Variants in PXDNL observed in about 807,000 individuals in gnomAD.
The protein encoded by PXDNL is peroxidasin like.
A neutral mutation model predicts 150.8 loss-of-function variants in PXDNL; 145 were observed. That is an observed-to-expected ratio of 0.96 (90% confidence interval 0.84 to 1.10). The LOEUF is 1.10. Ranked by LOEUF, PXDNL falls within the 50% of genes least tolerant of loss-of-function variation. PXDNL has a pLI of 0.00. For missense variants in PXDNL, 2,087 were observed against 1,873.9 expected, an observed-to-expected ratio of 1.11 and a Z score of -2.10; for synonymous variants, 757 against 725.7, an observed-to-expected ratio of 1.04 and a Z score of -0.69.
At chr8:51,643,219 G>T (rs1193869488) in intron 2 of PXDNL, among the ~76,000 whole-genome samples, 1 of 152,104 alleles carries the variant, frequency 6.6e-6, no homozygotes, top group Non-Finnish European at 1.5e-5. Flanking sequence ...AACCAAAAAA[G>T]AGCCCACATT....
chr8:51,763,366 G>A (rs957784358), intron 1 of PXDNL, among the ~76,000 whole-genome samples: 4 of 151,414 alleles, frequency 2.6e-5, no homozygotes, highest in Non-Finnish European at 5.9e-5. Context: ...ACCTTCCTGG[G>A]GCATTCAACT....
At chr8:51,726,808 T>C (rs1336856493) in intron 1 of PXDNL, among the ~76,000 whole-genome samples, 3 of 152,198 alleles carry the variant, frequency 2.0e-5, no homozygotes, top group Non-Finnish European at 2.9e-5. Context: ...AAAAATAACC[T>C]ACTATACTGA....
chr8:51,532,542 G>C (rs1811928021), intron 4 of PXDNL, among the ~76,000 whole-genome samples: 1 of 152,178 alleles, frequency 6.6e-6, no homozygotes, highest in Admixed American at 6.5e-5. Flanking sequence ...GTAGAACTGA[G>C]AGTAGCATCT....
intron 21 of PXDNL, among the ~76,000 whole-genome samples, chr8:51,332,873 C>T (rs1481489582): frequency 6.6e-6 from 1 of 152,154 alleles, no homozygotes; most frequent in Non-Finnish European, 1.5e-5. Flanking sequence ...AATCGGTGTT[C>T]CTTAGGAAGA....
chr8:51,453,626 CTGG>C lies in PXDNL; in HGVS notation c.1139_1141del (p.Ser380_Ser381delinsCys). The stretch of plus-strand genomic sequence containing the variant: ...TGTGATGTTCTGTAAGTAAAGTCCA[CTGG>C]ACGTTGCCACGTGCCTGGATCCATC... On this transcript the variant is annotated inframe_deletion, in exon 10 of 23. Coordinates refer to ENST00000356297, the MANE Select transcript of PXDNL (RefSeq NM_144651.5). 2 of 1,614,016 alleles carry C rather than the reference CTGG, an allele frequency of 1.2e-6. No individual in the cohort carries two copies. The highest frequency in any genetic ancestry group is 1.1e-5 in the South Asian group (1 of 91,082).
intron 1 of PXDNL, among the ~76,000 whole-genome samples, chr8:51,789,849 T>G (rs1158789026): frequency 6.6e-6 from 1 of 152,178 alleles, no homozygotes; most frequent in Non-Finnish European, 1.5e-5. Context: ...AGGGAACTTG[T>G]GTTACTTATC....
At chr8:51,764,493 G>T in intron 1 of PXDNL, among the ~76,000 whole-genome samples, 1 of 150,146 alleles carries the variant, frequency 6.7e-6, no homozygotes. Flanking sequence ...TATAAGTGTT[G>T]TTATGTTTTT....
Position 51,735,542 on chromosome 8 carries a change from T to G in PXDNL, c.164+73639A>C, listed in dbSNP as rs1229700028. On this transcript the variant is annotated intron_variant, in intron 1 of 22. Transcript: ENST00000356297. ...TTAAAAATTGTTTTTTTTTTTTTTT[T>G]TTTTTTTTTTTTTTTTTTTTTTGAG... Among the ~76,000 whole-genome samples, 24 of 118,674 alleles carry G rather than the reference T, an allele frequency of 2.0e-4. No individual in the cohort carries two copies. In the East Asian group the frequency reaches 2.5e-3, roughly 12 times the overall value. 77.9% of individuals were successfully genotyped at this position (118,674 alleles called of 152,430 possible).
At chr8:51,604,700 C>T (rs1362812272) in intron 2 of PXDNL, among the ~76,000 whole-genome samples, 1 of 152,088 alleles carries the variant, frequency 6.6e-6, no homozygotes, top group Non-Finnish European at 1.5e-5. Context: ...GGCTTCTAAA[C>T]AGTTTTAGGT....
chr8:51,647,143 A>C (rs910120982), intron 2 of PXDNL, among the ~76,000 whole-genome samples: 3 of 152,130 alleles, frequency 2.0e-5, no homozygotes, highest in South Asian at 4.1e-4. Flanking sequence ...ATTGAGGCAA[A>C]GGCAAATGAT....
At chr8:51,330,176 C>A (rs1462236708) in intron 21 of PXDNL, among the ~76,000 whole-genome samples, 1 of 152,176 alleles carries the variant, frequency 6.6e-6, no homozygotes, top group Admixed American at 6.5e-5. Flanking sequence ...TTCAGAAACA[C>A]CCTCACAGAA....
At chr8:51,532,915 G>A (rs968699577) in intron 4 of PXDNL, among the ~76,000 whole-genome samples, 2 of 152,012 alleles carry the variant, frequency 1.3e-5, no homozygotes, top group African/African-American at 2.4e-5. Flanking sequence ...TAAATGAACC[G>A]CTTTTTTGAT....
intron 1 of PXDNL, among the ~76,000 whole-genome samples, chr8:51,690,592 C>T (rs1353398613): frequency 6.6e-6 from 1 of 152,128 alleles, no homozygotes; most frequent in Non-Finnish European, 1.5e-5. Flanking sequence ...GGGTTGGTTC[C>T]AAGTCTTTGC....
intron 3 of PXDNL, among the ~76,000 whole-genome samples, chr8:51,565,321 A>AATAAATAAATAGATAG (rs569762504): frequency 0.014 from 1,920 of 135,470 alleles, 21 homozygotes; most frequent in Non-Finnish European, 0.018. Context: ...TAAATAAATA[A>AATAAATAAATAGATAG]ATAGATAGAT....
chr8:51,795,268 T>C (rs7009748), intron 1 of PXDNL, among the ~76,000 whole-genome samples: 77,149 of 152,094 alleles, frequency 0.51, 23,680 homozygotes, highest in Non-Finnish European at 0.68. Flanking sequence ...TATTCAGGAC[T>C]TGAACTCAGC....
chr8:51,488,668 C>G (rs745907626), intron 5 of PXDNL, among the ~76,000 whole-genome samples: 5 of 151,970 alleles, frequency 3.3e-5, no homozygotes, highest in Non-Finnish European at 7.4e-5. Flanking sequence ...AAATTTACAC[C>G]AAAGGGAAAA....
In PXDNL at chr8:51,644,440, A is replaced by ATATATATACACACATATGTGTGTGTG. The variant is rs1585644662; in HGVS notation, c.236+10248_236+10249insCACACACACATATGTGTGTATATATA. Among the ~76,000 whole-genome samples, 19 of 127,500 alleles carry ATATATATACACACATATGTGTGTGTG rather than the reference A, an allele frequency of 1.5e-4. 1 individual carries two copies. Among genetic ancestry groups the ATATATATACACACATATGTGTGTGTG allele is most frequent in the Non-Finnish European group, 2.7e-4 (16 of 59,318 alleles). The allele number at this position is 127,500 out of a possible 152,430, so 83.6% of individuals were successfully genotyped here. On this transcript the variant is annotated intron_variant, in intron 2 of 22. Coordinates refer to ENST00000356297, the MANE Select transcript of PXDNL (RefSeq NM_144651.5). ...TATATATATACACATATGTGTGTGT[A>ATATATATACACACATATGTGTGTGTG]TATATATATGGGTTGTTTTTGTTTT...
intron 1 of PXDNL, among the ~76,000 whole-genome samples, chr8:51,796,328 C>T (rs1285620350): frequency 5.5e-5 from 8 of 144,618 alleles, no homozygotes; most frequent in African/African-American, 1.8e-4. Context: ...GATAGAGACA[C>T]ACACAACAAC....
At chr8:51,725,866 T>C (rs949844180) in intron 1 of PXDNL, among the ~76,000 whole-genome samples, 1 of 152,196 alleles carries the variant, frequency 6.6e-6, no homozygotes, top group Admixed American at 6.5e-5. Context: ...GTAAGCTGAT[T>C]TTATGGGCCC....
Sources: allele counts gnomAD v4.1 joint callset (sites outside exome capture counted in the v4.1 genomes callset), GRCh38; gene constraint gnomAD v4.1.1; transcripts MANE v1.5; gene names NCBI Gene and HGNC (gene_info 2026-07-23, HGNC 2026-07-21).